The following FSTL4 variants were observed in gnomAD, a reference collection of about 807,000 sequenced individuals.
FSTL4 encodes the protein follistatin-related protein 4.
In FSTL4, 28 loss-of-function variants were observed where a neutral mutation model predicts 78.2. The observed-to-expected ratio is 0.36, with a 90% confidence interval of 0.27 to 0.49. The LOEUF (loss-of-function observed/expected upper bound fraction) is 0.49, where lower values mean the gene tolerates loss of function less well. Ranked by LOEUF, FSTL4 falls within the 20% of genes least tolerant of loss-of-function variation. FSTL4 has a pLI of 0.98. For missense variants in FSTL4, 922 were observed against 1,084.9 expected (o/e 0.85, Z 2.11); for synonymous variants, 422 against 440.5 (o/e 0.96, Z 0.53).
chr5:133,447,092 G>A (rs933072106), intron 3 of FSTL4, among the ~76,000 whole-genome samples: 4 of 152,220 alleles, frequency 2.6e-5, no homozygotes, highest in African/African-American at 9.6e-5. Flanking sequence ...GTGATGTCAG[G>A]GCAGCAGAAG....
the FSTL4 span, among the ~76,000 whole-genome samples, chr5:133,766,467 T>C: frequency 6.6e-6 from 1 of 152,234 alleles, no homozygotes; most frequent in Admixed American, 6.5e-5. Flanking sequence ...CCTATCCCCA[T>C]AGACACTATC....
chr5:133,556,523 C>T (rs1039277334), intron 3 of FSTL4, among the ~76,000 whole-genome samples: 19 of 152,004 alleles, frequency 1.2e-4, no homozygotes, highest in African/African-American at 4.4e-4. Context: ...GTCAGGAGTT[C>T]GAGACCAGCC....
chr5:133,835,270 A>G, the FSTL4 span, among the ~76,000 whole-genome samples: 1 of 152,176 alleles, frequency 6.6e-6, no homozygotes, highest in Non-Finnish European at 1.5e-5. Context: ...ACTGACTCTC[A>G]AGGGTCCCGA....
At chr5:133,427,213 C>G (rs1259711086) in intron 3 of FSTL4, among the ~76,000 whole-genome samples, 1 of 152,204 alleles carries the variant, frequency 6.6e-6, no homozygotes, top group African/African-American at 2.4e-5. Flanking sequence ...ATAACAACTA[C>G]TATCTTCCCC....
Position 133,316,623 on chromosome 5 carries a change from G to A in FSTL4, c.439C>T (p.Arg147Cys), listed in dbSNP as rs761513536. ...GDTCTMAGYARLKNVLLALQT... is the reference protein window; with the variant it reads ...GDTCTMAGYACLKNVLLALQT... Reference sequence around the variant, plus strand: ...AGTGCCAGAAGGACATTCTTCAAGCGGGCGTAGCCGGCCATGGTGCACGTG... The same window carrying A: ...AGTGCCAGAAGGACATTCTTCAAGCAGGCGTAGCCGGCCATGGTGCACGTG... The change falls in exon 5 of 16, where the codon CGC becomes TGC. Residue 147 changes from arginine (R) to cysteine (C), a missense_variant. Arg to Cys is a radical substitution (Grantham distance 180). Coordinates refer to ENST00000265342, the MANE Select transcript of FSTL4 (RefSeq NM_015082.2). The A allele has an allele frequency of 1.7e-5, 28 of 1,613,510 alleles. No individual in the cohort carries two copies. Among genetic ancestry groups the A allele is most frequent in the South Asian group, 3.3e-5 (3 of 91,072 alleles).
At chr5:133,715,086 T>G in the FSTL4 span, among the ~76,000 whole-genome samples, 2 of 152,250 alleles carry the variant, frequency 1.3e-5, no homozygotes, top group African/African-American at 4.8e-5. Context: ...TATGAAAATT[T>G]TGTCCTGAAC....
At chr5:133,460,392 C>A (rs531705903) in intron 3 of FSTL4, among the ~76,000 whole-genome samples, 1 of 152,134 alleles carries the variant, frequency 6.6e-6, no homozygotes, top group Non-Finnish European at 1.5e-5. Context: ...TTGGGGTCCC[C>A]GCTCCTCCTT....
At chr5:133,701,504 CACACA>C in the FSTL4 span, among the ~76,000 whole-genome samples, 62 of 133,534 alleles carry the variant, frequency 4.6e-4, no homozygotes, top group African/African-American at 1.4e-3. Context: ...CACACACACA[CACACA>C]CCCCACAGGC....
chr5:133,511,526 G>A (rs1758730566), intron 3 of FSTL4, among the ~76,000 whole-genome samples: 2 of 152,118 alleles, frequency 1.3e-5, no homozygotes, highest in South Asian at 4.1e-4. Flanking sequence ...CGTCTAACTG[G>A]AGCAAGGGGC....
intron 3 of FSTL4, among the ~76,000 whole-genome samples, chr5:133,495,499 A>G (rs1411428752): frequency 6.6e-6 from 1 of 152,206 alleles, no homozygotes; most frequent in Non-Finnish European, 1.5e-5. Flanking sequence ...ATGACAAAAT[A>G]TGTTTTATTC....
intron 4 of FSTL4, among the ~76,000 whole-genome samples, chr5:133,370,244 C>T (rs566343786): frequency 1.4e-4 from 22 of 152,092 alleles, no homozygotes; most frequent in Non-Finnish European, 2.8e-4. Context: ...CTGCTTGTCG[C>T]TGAGGAAATG....
chr5:133,450,454 G>A (rs543030276), intron 3 of FSTL4, among the ~76,000 whole-genome samples: 4 of 152,322 alleles, frequency 2.6e-5, no homozygotes, highest in African/African-American at 7.2e-5. Flanking sequence ...CACACACACC[G>A]AGCACTCACG....
At chr5:133,333,928 A>G (rs964108551) in intron 4 of FSTL4, 4 of 152,318 alleles carry the variant, frequency 2.6e-5, no homozygotes, top group African/African-American at 9.6e-5. Flanking sequence ...CCCCAGCCTG[A>G]GCCAAGAGGG....
intron 4 of FSTL4, among the ~76,000 whole-genome samples, chr5:133,369,025 C>A (rs1415682311): frequency 6.6e-6 from 1 of 152,142 alleles, no homozygotes; most frequent in Non-Finnish European, 1.5e-5. Flanking sequence ...CAGTCTTGAG[C>A]CAAATGTAGG....
At chr5:133,648,093 T>G in the FSTL4 span, among the ~76,000 whole-genome samples, 2 of 152,198 alleles carry the variant, frequency 1.3e-5, no homozygotes, top group Non-Finnish European at 2.9e-5. Context: ...TCCCCAACCA[T>G]GTAGAACTGT....
intron 7 of FSTL4, among the ~76,000 whole-genome samples, chr5:133,242,108 A>G (rs757726256): frequency 1.3e-5 from 2 of 152,214 alleles, no homozygotes; most frequent in African/African-American, 2.4e-5. Flanking sequence ...TTACACGTCA[A>G]CTTACACACA....
Position 133,494,431 on chromosome 5 carries a change from C to A in FSTL4, c.160+72755G>T, listed in dbSNP as rs184499625. Among the ~76,000 whole-genome samples the A allele has an allele frequency of 1.6e-4, 24 of 151,920 alleles. No homozygotes were observed. In the East Asian group the frequency reaches 4.1e-3, roughly 26 times the overall value. On this transcript the variant is annotated intron_variant, in intron 3 of 15. Coordinates refer to ENST00000265342, the MANE Select transcript of FSTL4 (RefSeq NM_015082.2). The stretch of plus-strand genomic sequence containing the variant: ...TAAAAGCTTTCCAAGTCTAGCATCA[C>A]ACAGGAGTGAGCTCACTGAATCACT...
At chr5:133,762,339 G>A in the FSTL4 span, among the ~76,000 whole-genome samples, 1 of 152,140 alleles carries the variant, frequency 6.6e-6, no homozygotes, top group Non-Finnish European at 1.5e-5. Context: ...AGGTCAGCTT[G>A]TAGATTCCAA....
chr5:133,402,991 C>T (rs1003402038), intron 3 of FSTL4, among the ~76,000 whole-genome samples: 6 of 152,190 alleles, frequency 3.9e-5, no homozygotes, highest in Non-Finnish European at 7.3e-5. Context: ...GGGCTGGAGG[C>T]CCCCCACTCA....
Sources: gnomAD v4.1 joint callset for allele counts (sites outside exome capture counted in the v4.1 genomes callset) on GRCh38, gnomAD v4.1.1 for gene constraint, MANE v1.5 for transcripts, NCBI Gene and HGNC (gene_info 2026-07-23, HGNC 2026-07-21) for gene names.